Variants in TNNT3 observed in about 807,000 individuals in gnomAD.
The protein encoded by TNNT3 is troponin T3, fast skeletal type, also known as troponin T, fast skeletal muscle.
A neutral mutation model predicts 54.2 loss-of-function variants in TNNT3; 36 were observed. The ratio of observed to expected loss-of-function variants is 0.66; its 90% CI spans 0.51 to 0.88. The LOEUF (loss-of-function observed/expected upper bound fraction) is 0.88. Among genes scored for constraint, TNNT3 ranks in the 40% least tolerant of loss-of-function variants. TNNT3 has a pLI of 0.00. For synonymous variants in TNNT3, 120 were observed against 109.7 expected, an observed-to-expected ratio of 1.09 and a Z score of -0.59; for missense variants, 291 against 331.6, an observed-to-expected ratio of 0.88 and a Z score of 0.95.
At chr11:1,926,730 C>T (rs1459522932) in intron 6 of TNNT3, 21 bp downstream of exon 6, 2 of 1,613,190 alleles carry the variant, frequency 1.2e-6, no homozygotes, top group Admixed American at 1.7e-5. Flanking sequence ...GCTCCCCCGC[C>T]TCCAGGCCAG....
At chr11:1,926,792 C>T (rs565784450) in intron 6 of TNNT3, 83 bp downstream of exon 6, 78 of 1,578,144 alleles carry the variant, frequency 4.9e-5, no homozygotes, top group Non-Finnish European at 6.8e-5. Flanking sequence ...TTGCCCACCC[C>T]TTGTGACGTT....
At chr11:1,932,346 T>G (rs1228242238) in intron 8 of TNNT3, 123 bp from the exon 9 acceptor site, 1 of 907,358 alleles carries the variant, frequency 1.1e-6, no homozygotes, top group Non-Finnish European at 1.8e-6. Flanking sequence ...GCGGGCATGC[T>G]TGGCTGGGGG....
intron 8 of TNNT3, among the ~76,000 whole-genome samples, chr11:1,931,609 G>C (rs955381327): frequency 6.6e-6 from 1 of 152,060 alleles, no homozygotes; most frequent in Non-Finnish European, 1.5e-5. Context: ...TTTGTCTCCT[G>C]GTGGAGGAAT....
intron 4 of TNNT3, 90 bp from the exon 5 acceptor site, chr11:1,925,009 C>G: frequency 6.6e-7 from 1 of 1,504,650 alleles, no homozygotes; most frequent in Non-Finnish European, 9.2e-7. Context: ...GCCTCCTGTC[C>G]TTGCGGCCTG....
At chr11:1,932,569 T>C (rs1175618237) in intron 9 of TNNT3, 55 bp downstream of exon 9, 1 of 1,591,106 alleles carries the variant, frequency 6.3e-7, no homozygotes, top group African/African-American at 1.3e-5. Context: ...ACCCCAGCTT[T>C]TGGGCTCTAG....
In TNNT3 at chr11:1,929,050, C is replaced by A. The variant is rs754081249; in HGVS notation, c.83-70C>A. 1.7e-5 allele frequency: 27 copies of A among 1,580,628 alleles called. No individual in the cohort carries two copies. The Admixed American group carries it at 4.3e-4, about 25-fold the overall frequency. On this transcript the variant is annotated intron_variant, in intron 6 of 15. Transcript: ENST00000278317. ...CCCCTTGCCCGCCACAGGCCCCTTGCCCACTGCTCCCCCGCAGCCGCACTG... is the reference window on the plus strand; with the variant it reads ...CCCCTTGCCCGCCACAGGCCCCTTGACCACTGCTCCCCCGCAGCCGCACTG...
intron 15 of TNNT3, among the ~76,000 whole-genome samples, chr11:1,937,418 G>T (rs946317080): frequency 6.6e-6 from 1 of 152,182 alleles, no homozygotes; most frequent in African/African-American, 2.4e-5. Flanking sequence ...GAATTAAGCA[G>T]TCAGGGCTTC....
chr11:1,922,755 C>T, intron 1 of TNNT3, 102 bp from the exon 2 acceptor site: 6 of 1,209,368 alleles, frequency 5.0e-6, no homozygotes, highest in South Asian at 4.9e-5. Flanking sequence ...CGCGGTCCCC[C>T]ACAGCGCTGC....
chr11:1,925,883 G>A (rs939363179), intron 5 of TNNT3, among the ~76,000 whole-genome samples: 2 of 152,186 alleles, frequency 1.3e-5, no homozygotes, highest in African/African-American at 4.8e-5. Context: ...AGCCATCACT[G>A]GTGCCCAGGG....
intron 8 of TNNT3, among the ~76,000 whole-genome samples, chr11:1,931,199 C>G (rs1337384077): frequency 6.6e-6 from 1 of 152,196 alleles, no homozygotes; most frequent in East Asian, 1.9e-4. Flanking sequence ...TAACCATTCC[C>G]CTATTGCAGG....
intron 1 of TNNT3, chr11:1,922,653 C>T (rs1850357389): frequency 1.6e-6 from 1 of 618,140 alleles, no homozygotes; most frequent in Non-Finnish European, 2.9e-6. Context: ...GTCTGGGGCG[C>T]CAAGAGCTGG....
rs375987847 is a variant in TNNT3, at chr11:1,934,802, G to A, written c.591-27G>A. 2.6e-5 allele frequency: 42 copies of A among 1,610,402 alleles called. No individual in the cohort carries two copies. The African/African-American group carries it at 3.2e-4, about 12-fold the overall frequency. The stretch of plus-strand genomic sequence containing the variant: ...GCCCTGCCTTTGGGGCTTATTCAAC[G>A]AAGCCTCACCACTTCCTCTGCCCCA... On this transcript the variant is annotated intron_variant, in intron 13 of 15. Transcript: ENST00000278317.
At chr11:1,924,967 C>T (rs573691244) in intron 4 of TNNT3, 132 bp from the exon 5 acceptor site, 108 of 981,370 alleles carry the variant, frequency 1.1e-4, no homozygotes, top group South Asian at 1.0e-3. Context: ...CCCTGCCAAG[C>T]GAGCCCCAGG....
intron 9 of TNNT3, 46 bp downstream of exon 9, chr11:1,932,560 C>A (rs1209201308): frequency 1.2e-6 from 2 of 1,601,498 alleles, no homozygotes; most frequent in Non-Finnish European, 1.7e-6. Context: ...TTTCCCCACA[C>A]CCCAGCTTTT....
chr11:1,935,543 G>A, intron 14 of TNNT3: 1 of 174,044 alleles, frequency 5.7e-6, no homozygotes, highest in Non-Finnish European at 1.2e-5. Flanking sequence ...TGCCCGGGCG[G>A]CCTCAGGGAC....
chr11:1,936,112 G>A (rs992578900), intron 14 of TNNT3: 1 of 1,356,302 alleles, frequency 7.4e-7, no homozygotes, highest in East Asian at 2.3e-5. Flanking sequence ...GCCCCCAGGG[G>A]CTCCAGAGCC....
chr11:1,931,690 T>G (rs183338726), intron 8 of TNNT3, among the ~76,000 whole-genome samples: 18 of 151,786 alleles, frequency 1.2e-4, no homozygotes, highest in African/African-American at 4.1e-4. Flanking sequence ...AAATTTTTTT[T>G]AGTCTTTTTT....
chr11:1,930,503 A>G (rs1456399572), intron 8 of TNNT3, among the ~76,000 whole-genome samples: 1 of 152,024 alleles, frequency 6.6e-6, no homozygotes. Context: ...GCTTGTGAGC[A>G]CTTCGTGGGT....
intron 4 of TNNT3, 114 bp from the exon 5 acceptor site, chr11:1,924,985 C>T: frequency 8.0e-7 from 1 of 1,245,648 alleles, no homozygotes; most frequent in Non-Finnish European, 1.2e-6. Context: ...AGGCCCTCTT[C>T]TCCCGGCCAG....
Sources: gnomAD v4.1 joint callset for allele counts (sites outside exome capture counted in the v4.1 genomes callset) on GRCh38, gnomAD v4.1.1 for gene constraint, MANE v1.5 for transcripts, NCBI Gene and HGNC (gene_info 2026-07-23, HGNC 2026-07-21) for gene names.